Variants in HNF4G observed in about 807,000 individuals in gnomAD.
HNF4G encodes hepatocyte nuclear factor 4 gamma.
HNF4G carries 21 observed loss-of-function variants against 50.9 expected under a neutral mutation model. The observed-to-expected ratio is 0.41, with a 90% CI of 0.29 to 0.59. HNF4G has a LOEUF of 0.59. Among genes scored for constraint, HNF4G ranks in the 20% least tolerant of loss-of-function variants. The probability of loss-of-function intolerance (pLI) is 0.26; values close to 1 mark genes in which losing one functional copy is unlikely to be tolerated. For synonymous variants in HNF4G, 198 were observed against 185.6 expected, an observed-to-expected ratio of 1.07 and a Z score of -0.54; for missense variants, 527 against 559.4, an observed-to-expected ratio of 0.94 and a Z score of 0.58.
At position 75,507,278 on chromosome 8, in the gene HNF4G, G is replaced by A. The variant is rs995047100; in HGVS notation, c.-24+17070G>A. Among the ~76,000 whole-genome samples, 3 of 78,806 alleles carry A rather than the reference G, an allele frequency of 3.8e-5. No individual in the cohort carries two copies. The East Asian group carries it at 1.1e-3, about 28-fold the overall frequency. 51.7% of individuals were successfully genotyped at this position (78,806 alleles called of 152,430 possible). A position where few individuals can be genotyped will look rare whatever the true frequency, so the allele number is the denominator to read the frequency against. On this transcript the variant is annotated intron_variant, in intron 2 of 10. Coordinates refer to the HNF4G transcript ENST00000354370. The stretch of plus-strand genomic sequence containing the variant: ...TTAAAATTCTTTTTTTTTTTTTTTT[G>A]AGATGGAGTCTCGCTCTCTCGCCCA...
chr8:75,562,414 T>G (rs1807339868), intron 9 of HNF4G, among the ~76,000 whole-genome samples: 1 of 152,184 alleles, frequency 6.6e-6, no homozygotes, highest in Non-Finnish European at 1.5e-5. Context: ...AAAGACATTA[T>G]TTGGGACCAT....
At chr8:75,529,038 G>A (rs184047100) in intron 2 of HNF4G, among the ~76,000 whole-genome samples, 3 of 152,136 alleles carry the variant, frequency 2.0e-5, no homozygotes, top group Admixed American at 6.5e-5. Context: ...TGTAATCCCA[G>A]CACTTTGGGA....
At chr8:75,485,979 C>T (rs1395650896) in intron 1 of HNF4G, among the ~76,000 whole-genome samples, 1 of 152,192 alleles carries the variant, frequency 6.6e-6, no homozygotes, top group African/African-American at 2.4e-5. Flanking sequence ...CTGTTGCAGA[C>T]ACTAGCTTCC....
chr8:75,443,598 T>G (rs1032762622), intron 1 of HNF4G, among the ~76,000 whole-genome samples: 10 of 152,158 alleles, frequency 6.6e-5, no homozygotes, highest in African/African-American at 2.4e-4. Context: ...TGGGCTCAAA[T>G]AATTCTTCCA....
chr8:75,415,607 G>T (rs1325245830), intron 1 of HNF4G, among the ~76,000 whole-genome samples: 1 of 152,308 alleles, frequency 6.6e-6, no homozygotes, highest in South Asian at 2.1e-4. Flanking sequence ...GCAGTTTATA[G>T]AGTGTTTTTA....
intron 1 of HNF4G, among the ~76,000 whole-genome samples, chr8:75,480,158 C>A (rs886833569): frequency 3.9e-5 from 6 of 152,010 alleles, no homozygotes; most frequent in Non-Finnish European, 7.4e-5. Context: ...TTAAAAAGTT[C>A]CTCAAGAATT....
chr8:75,557,485 G>A (rs766247847), intron 6 of HNF4G, among the ~76,000 whole-genome samples: 8 of 152,176 alleles, frequency 5.3e-5, no homozygotes, highest in Admixed American at 1.3e-4. Flanking sequence ...ACTGGGCGTG[G>A]TGGCGGGAGC....
rs927879400 is a variant in HNF4G, at chr8:75,515,770, G to GT, written c.-24+25574dup. On this transcript the variant is annotated intron_variant, in intron 2 of 10. Coordinates refer to the HNF4G transcript ENST00000354370. Reference sequence around the variant, plus strand: ...CACTGACATTCATGGGGGCCACCATGTTTTTTTTTTTTGAGATGGAATTTC... The same window carrying GT: ...CACTGACATTCATGGGGGCCACCATGTTTTTTTTTTTTTGAGATGGAATTTC... Among the ~76,000 whole-genome samples the GT allele has an allele frequency of 8.0e-3, 1,157 of 145,042 alleles. 6 individuals are homozygous for GT. The highest frequency in any genetic ancestry group is 0.02 in the African/African-American group (795 of 39,902).
At chr8:75,411,872 C>G (rs1453641619) in intron 1 of HNF4G, among the ~76,000 whole-genome samples, 1 of 152,086 alleles carries the variant, frequency 6.6e-6, no homozygotes, top group Non-Finnish European at 1.5e-5. Context: ...AATACCTATG[C>G]CATATAATTG....
chr8:75,523,532 C>A (rs949534346), intron 2 of HNF4G, among the ~76,000 whole-genome samples: 3 of 152,030 alleles, frequency 2.0e-5, no homozygotes, highest in African/African-American at 7.2e-5. Context: ...ATATTTTGAA[C>A]CCTAGTGATA....
chr8:75,432,838 T>C (rs1184949633), intron 1 of HNF4G, among the ~76,000 whole-genome samples: 1 of 152,204 alleles, frequency 6.6e-6, no homozygotes, highest in Non-Finnish European at 1.5e-5. Flanking sequence ...TTTCACCTTG[T>C]TCTTTTGGAA....
chr8:75,500,996 A>G (rs998189824), intron 2 of HNF4G, among the ~76,000 whole-genome samples: 1 of 151,908 alleles, frequency 6.6e-6, no homozygotes, highest in Non-Finnish European at 1.5e-5. Flanking sequence ...TAAATATAAT[A>G]AACATGTATC....
rs552938027 is a variant in HNF4G at position 75,518,318 on chromosome 8, C to T, written c.-23-25493C>T. On this transcript the variant is annotated intron_variant, in intron 2 of 10. Coordinates refer to the HNF4G transcript ENST00000354370. Reference sequence around the variant, plus strand: ...TCCATGTCCCTACGAAGGACAGGAACTCATCATTTTTTATGGCTGCATAGT... The same window carrying T: ...TCCATGTCCCTACGAAGGACAGGAATTCATCATTTTTTATGGCTGCATAGT... Among the ~76,000 whole-genome samples the T allele has an allele frequency of 3.2e-3, 493 of 152,072 alleles. 3 individuals are homozygous for T. Among genetic ancestry groups the T allele is most frequent in the Non-Finnish European group, 3.8e-3 (260 of 67,994 alleles).
chr8:75,489,611 T>C (rs1344973058), intron 1 of HNF4G, among the ~76,000 whole-genome samples: 2 of 152,196 alleles, frequency 1.3e-5, no homozygotes, highest in African/African-American at 2.4e-5. Flanking sequence ...AACTACCTAA[T>C]TATTTAGTGC....
At chr8:75,424,671 A>G (rs1462227185) in intron 1 of HNF4G, among the ~76,000 whole-genome samples, 8 of 152,214 alleles carry the variant, frequency 5.3e-5, no homozygotes, top group Admixed American at 5.2e-4. Flanking sequence ...TAATTTGCAT[A>G]GGATAATGGC....
Position 75,504,217 on chromosome 8 carries a change from T to C in HNF4G, c.-24+14009T>C, listed in dbSNP as rs187819810. 3.1e-3 allele frequency among the ~76,000 whole-genome samples: 436 copies of C among 138,602 alleles called. 1 individual carries two copies. The highest frequency in any genetic ancestry group is 0.011 in the African/African-American group (396 of 36,902). The allele number at this position is 138,602 out of a possible 152,430, so 90.9% of individuals were successfully genotyped here. The stretch of plus-strand genomic sequence containing the variant: ...GGCTAGGTGACAGAGTAAGACTTTG[T>C]CCAAAGCACACAGACACACACACAC... On this transcript the variant is annotated intron_variant, in intron 2 of 10. Coordinates refer to the HNF4G transcript ENST00000354370.
At chr8:75,476,722 A>G (rs1216727577) in intron 1 of HNF4G, among the ~76,000 whole-genome samples, 1 of 152,198 alleles carries the variant, frequency 6.6e-6, no homozygotes, top group Non-Finnish European at 1.5e-5. Context: ...AACTACCTGT[A>G]GCTTTCTGCC....
At chr8:75,561,054 G>C (rs1017563789) in intron 9 of HNF4G, among the ~76,000 whole-genome samples, 1 of 151,448 alleles carries the variant, frequency 6.6e-6, no homozygotes, top group Non-Finnish European at 1.5e-5. Context: ...ACTTACATTA[G>C]GAAGTGAGGA....
At chr8:75,525,512 T>C (rs967139320) in intron 2 of HNF4G, among the ~76,000 whole-genome samples, 1 of 152,154 alleles carries the variant, frequency 6.6e-6, no homozygotes, top group African/African-American at 2.4e-5. Flanking sequence ...TGAGCAATTA[T>C]TACCCTGTGA....
Sources: gnomAD v4.1 joint callset for allele counts (sites outside exome capture counted in the v4.1 genomes callset) on GRCh38, gnomAD v4.1.1 for gene constraint, MANE v1.5 for transcripts, NCBI Gene and HGNC (gene_info 2026-07-23, HGNC 2026-07-21) for gene names.